The following RHOH variants were observed in gnomAD, a reference collection of about 807,000 sequenced individuals.
RHOH encodes the protein rho-related GTP-binding protein RhoH.
RHOH carries 6 observed loss-of-function variants against 13.8 expected under a neutral mutation model. The observed-to-expected ratio is 0.44, with a 90% CI of 0.24 to 0.86. The LOEUF (loss-of-function observed/expected upper bound fraction) is 0.86, where lower values mean the gene tolerates loss of function less well. Among genes scored for constraint, RHOH ranks in the 40% least tolerant of loss-of-function variants. RHOH has a pLI of 0.24. For missense variants in RHOH, 147 were observed against 244.5 expected (o/e 0.60, Z 2.66); for synonymous variants, 117 against 103.0 (o/e 1.14, Z -0.82).
intron 1 of RHOH, among the ~76,000 whole-genome samples, chr4:40,197,925 G>A (rs1194225664): frequency 1.4e-4 from 21 of 152,112 alleles, no homozygotes; most frequent in Admixed American, 1.2e-3. Flanking sequence ...GGAAATCACC[G>A]GTTTTAGGTG....
chr4:40,242,663 A>C (rs1729390343), intron 1 of RHOH, 51 bp from the exon 2 acceptor site: 1 of 152,240 alleles, frequency 6.6e-6, no homozygotes, highest in Non-Finnish European at 1.5e-5. Context: ...TCAATAAACA[A>C]AAAGAAATGC....
intron 1 of RHOH, among the ~76,000 whole-genome samples, chr4:40,238,310 C>A (rs1728831034): frequency 6.6e-6 from 1 of 152,158 alleles, no homozygotes; most frequent in Non-Finnish European, 1.5e-5. Flanking sequence ...GTCTTTCCAG[C>A]CAATAGGATG....
intron 1 of RHOH, among the ~76,000 whole-genome samples, chr4:40,197,879 C>T (rs1723413108): frequency 6.6e-6 from 1 of 152,088 alleles, no homozygotes; most frequent in Non-Finnish European, 1.5e-5. Context: ...TACGAGGTAC[C>T]AGTCAGTAGC....
At chr4:40,231,991 C>A (rs1431758511) in intron 1 of RHOH, among the ~76,000 whole-genome samples, 1 of 152,214 alleles carries the variant, frequency 6.6e-6, no homozygotes, top group Admixed American at 6.5e-5. Context: ...CCATGGCCTC[C>A]ACAAAGCCTT....
Position 40,210,290 on chromosome 4 carries a change from T to C in RHOH, c.-331+12990T>C, listed in dbSNP as rs535382366. Among the ~76,000 whole-genome samples, 155 of 152,342 alleles carry C rather than the reference T, an allele frequency of 1.0e-3. 1 individual carries two copies. The highest frequency in any genetic ancestry group is 3.6e-3 in the African/African-American group (151 of 41,586). On this transcript the variant is annotated intron_variant, in intron 1 of 2. Transcript: ENST00000381799. The stretch of plus-strand genomic sequence containing the variant: ...GGGGACTTAAAGCAACCAGGATTCA[T>C]TTCTCCACGTAACAGGAATTCGGAG...
At chr4:40,229,980 TC>T (rs1343083664) in intron 1 of RHOH, among the ~76,000 whole-genome samples, 2 of 152,194 alleles carry the variant, frequency 1.3e-5, no homozygotes, top group African/African-American at 4.8e-5. Context: ...TAGCAATAGT[TC>T]TTAAATGTCA....
At chr4:40,234,200 C>T (rs931549085) in intron 1 of RHOH, among the ~76,000 whole-genome samples, 14 of 152,176 alleles carry the variant, frequency 9.2e-5, no homozygotes, top group African/African-American at 3.4e-4. Context: ...AAACAAGATC[C>T]ACATTCCCTA....
chr4:40,201,765 C>T (rs1724024024), intron 1 of RHOH, among the ~76,000 whole-genome samples: 2 of 151,998 alleles, frequency 1.3e-5, no homozygotes, highest in South Asian at 4.2e-4. Flanking sequence ...TATCAAGAGC[C>T]ATTAAAGTGT....
chr4:40,242,012 G>A (rs549991747), intron 1 of RHOH, among the ~76,000 whole-genome samples: 11 of 152,378 alleles, frequency 7.2e-5, no homozygotes, highest in African/African-American at 2.6e-4. Context: ...CATGACACAT[G>A]TCAGGAAGAT....
intron 1 of RHOH, among the ~76,000 whole-genome samples, chr4:40,221,373 C>T (rs6816342): frequency 0.98 from 149,480 of 152,348 alleles, 73,348 homozygotes; most frequent in East Asian, 1. Flanking sequence ...TTGCATTTTA[C>T]ACAAACTGAA....
At chr4:40,224,339 G>A (rs1469195560) in intron 1 of RHOH, among the ~76,000 whole-genome samples, 2 of 152,140 alleles carry the variant, frequency 1.3e-5, no homozygotes, top group African/African-American at 2.4e-5. Flanking sequence ...TTGCTGTCGT[G>A]AATAATGTAG....
intron 1 of RHOH, among the ~76,000 whole-genome samples, chr4:40,208,490 G>A (rs1489390802): frequency 6.6e-6 from 1 of 152,130 alleles, no homozygotes; most frequent in Non-Finnish European, 1.5e-5. Context: ...ATTGGCCAAA[G>A]TACAATTTAT....
chr4:40,198,684 C>T (rs55917776), intron 1 of RHOH, among the ~76,000 whole-genome samples: 30,724 of 152,160 alleles, frequency 0.2, 3,419 homozygotes, highest in Admixed American at 0.25. Context: ...AGTAAGACCT[C>T]CACCTCTGGT....
In RHOH at chr4:40,239,011, C is replaced by T. The variant is rs78063077; in HGVS notation, c.-330-3703C>T. 6.3e-3 allele frequency among the ~76,000 whole-genome samples: 966 copies of T among 152,270 alleles called. 24 individuals are homozygous for T. The highest frequency in any genetic ancestry group is 0.055 in the East Asian group (286 of 5,178). On this transcript the variant is annotated intron_variant, in intron 1 of 2. Coordinates refer to ENST00000381799, the MANE Select transcript of RHOH (RefSeq NM_004310.5). ...TGTCATGTCCTTATAGGGTATGGCT[C>T]TGCCTTGGACTGCAGCTCCTCCCCT...
At chr4:40,201,544 G>A (rs1009625260) in intron 1 of RHOH, among the ~76,000 whole-genome samples, 11 of 152,126 alleles carry the variant, frequency 7.2e-5, no homozygotes, top group Non-Finnish European at 1.3e-4. Context: ...TGTGCTATCT[G>A]AGCATCTGTT....
At chr4:40,200,295 C>T (rs1316069408) in intron 1 of RHOH, 1 of 152,158 alleles carries the variant, frequency 6.6e-6, no homozygotes, top group Admixed American at 6.6e-5. Context: ...ATACTGTTCC[C>T]CGGATGTGGA....
intron 1 of RHOH, among the ~76,000 whole-genome samples, chr4:40,212,321 C>T (rs753112201): frequency 1.4e-4 from 22 of 152,132 alleles, no homozygotes. Flanking sequence ...TATTGCCAGC[C>T]TATCGTCAGA....
At chr4:40,241,562 T>C (rs967103344) in intron 1 of RHOH, among the ~76,000 whole-genome samples, 1 of 152,216 alleles carries the variant, frequency 6.6e-6, no homozygotes, top group Non-Finnish European at 1.5e-5. Context: ...TTAGGTATAA[T>C]TAAACAACAG....
chr4:40,205,469 A>C (rs1328358405), intron 1 of RHOH, among the ~76,000 whole-genome samples: 1 of 152,244 alleles, frequency 6.6e-6, no homozygotes, highest in Non-Finnish European at 1.5e-5. Flanking sequence ...GAAGCTGAAC[A>C]TCTGGTTGGG....
Sources: gnomAD v4.1 joint callset for allele counts (sites outside exome capture counted in the v4.1 genomes callset) on GRCh38, gnomAD v4.1.1 for gene constraint, MANE v1.5 for transcripts, NCBI Gene and HGNC (gene_info 2026-07-23, HGNC 2026-07-21) for gene names.